The following VPS37A variants were observed in gnomAD, a reference collection of about 807,000 sequenced individuals.
VPS37A encodes the protein vacuolar protein sorting-associated protein 37A.
VPS37A carries 30 observed loss-of-function variants against 49.8 expected under a neutral mutation model. The ratio of observed to expected loss-of-function variants is 0.60; its 90% CI spans 0.45 to 0.82. The LOEUF is 0.82. Ranked by LOEUF, VPS37A falls within the 40% of genes least tolerant of loss-of-function variation. VPS37A has a pLI of 0.00. For missense variants in VPS37A, 593 were observed against 464.4 expected (o/e 1.28, Z -2.55); for synonymous variants, 195 against 160.6 (o/e 1.21, Z -1.62).
chr8:17,309,421 A>C, the VPS37A span: 1 of 836,162 alleles, frequency 1.2e-6, no homozygotes, highest in Non-Finnish European at 2.0e-6. Context: ...AGGCACTTGC[A>C]GAAGTCCCCA....
intron 1 of VPS37A, among the ~76,000 whole-genome samples, chr8:17,254,514 A>G (rs1180978599): frequency 6.6e-6 from 1 of 151,630 alleles, no homozygotes; most frequent in Non-Finnish European, 1.5e-5. Context: ...TTCCCCCCAA[A>G]CTCTTAGTTT....
chr8:17,249,311 G>A (rs1349569745), intron 1 of VPS37A, among the ~76,000 whole-genome samples: 1 of 152,110 alleles, frequency 6.6e-6, no homozygotes, highest in Non-Finnish European at 1.5e-5. Flanking sequence ...TGGCTTAAGA[G>A]GATCAGTAAA....
At chr8:17,300,939 A>G (rs113171490), downstream of VPS37A, among the ~76,000 whole-genome samples, 772 of 152,354 alleles carry the variant, frequency 5.1e-3, 8 homozygotes, top group African/African-American at 0.017. Context: ...ATGGTACAGC[A>G]TGTATCAAGT....
the VPS37A span, among the ~76,000 whole-genome samples, chr8:17,308,642 T>C: frequency 6.6e-6 from 1 of 151,716 alleles, no homozygotes; most frequent in East Asian, 1.9e-4. Context: ...ATTCAAAGAG[T>C]AGAGAACACC....
chr8:17,247,194 G>C lies in VPS37A; in HGVS notation c.-51G>C. On this transcript the variant is annotated 5_prime_UTR_variant, in exon 1 of 12. Transcript: ENST00000324849. The stretch of plus-strand genomic sequence containing the variant: ...GAGAACCGCCGGGCCGAGCCACTGG[G>C]AGAAGCAGGCCAGAGCCTTCCAGGG... 6.4e-7 allele frequency: 1 copy of C among 1,554,214 alleles called. No homozygotes were observed. Among genetic ancestry groups the C allele is most frequent in the South Asian group, 1.2e-5 (1 of 84,330 alleles).
intron 1 of VPS37A, among the ~76,000 whole-genome samples, chr8:17,261,443 T>C (rs1812953172): frequency 6.6e-6 from 1 of 152,232 alleles, no homozygotes; most frequent in Non-Finnish European, 1.5e-5. Flanking sequence ...AGAGCTTACA[T>C]ATTATTATCT....
intron 11 of VPS37A, among the ~76,000 whole-genome samples, chr8:17,287,246 A>T (rs1272012239): frequency 6.6e-6 from 1 of 152,210 alleles, no homozygotes; most frequent in Non-Finnish European, 1.5e-5. Context: ...GGGATTTATT[A>T]TAGAGTAAAA....
chr8:17,281,327 G>T (rs1815034743), intron 9 of VPS37A, among the ~76,000 whole-genome samples: 1 of 152,002 alleles, frequency 6.6e-6, no homozygotes, highest in Admixed American at 6.6e-5. Context: ...GGTCATACAA[G>T]TAGAAACATT....
At chr8:17,331,772 G>C in the VPS37A span, among the ~76,000 whole-genome samples, 1 of 152,162 alleles carries the variant, frequency 6.6e-6, no homozygotes, top group South Asian at 2.1e-4. Flanking sequence ...TTGCCCACAA[G>C]ATCCCTCAGA....
At chr8:17,267,031 A>G (rs751636585) in intron 2 of VPS37A, among the ~76,000 whole-genome samples, 3 of 152,142 alleles carry the variant, frequency 2.0e-5, no homozygotes, top group Admixed American at 6.6e-5. Context: ...TCGGCCTCCC[A>G]AAGTGCTGGA....
chr8:17,317,433 A>G, the VPS37A span, among the ~76,000 whole-genome samples: 83 of 152,256 alleles, frequency 5.5e-4, no homozygotes, highest in African/African-American at 1.9e-3. Context: ...GGCAGTAACC[A>G]TGGGTCTCAT....
At chr8:17,269,841 G>C (rs1043869383) in intron 4 of VPS37A, among the ~76,000 whole-genome samples, 33 of 152,146 alleles carry the variant, frequency 2.2e-4, no homozygotes, top group Admixed American at 1.7e-3. Flanking sequence ...TAAAGATACT[G>C]TTTTAGTCTT....
chr8:17,296,338 A>G lies in VPS37A; in HGVS notation c.*1352A>G, dbSNP rs1816631260. 1 of 152,226 alleles carries G rather than the reference A, an allele frequency of 6.6e-6. No individual in the cohort carries two copies. The highest frequency in any genetic ancestry group is 6.5e-5 in the Admixed American group (1 of 15,288). The allele number at this position is 152,226 out of a possible 1,614,324, so 9.4% of individuals were successfully genotyped here. ...GTCTTCCTGACACTGTGCTAAGGACATGCTGTTAAAGCTTCAAAGTGACCA... is the reference window on the plus strand; with the variant it reads ...GTCTTCCTGACACTGTGCTAAGGACGTGCTGTTAAAGCTTCAAAGTGACCA... On this transcript the variant is annotated 3_prime_UTR_variant, in exon 12 of 12. Coordinates refer to ENST00000324849, the MANE Select transcript of VPS37A (RefSeq NM_152415.3).
rs554461613 is a variant in VPS37A, at chr8:17,293,470, C to G, written c.*1-1517C>G. 1.5e-4 allele frequency among the ~76,000 whole-genome samples: 23 copies of G among 152,200 alleles called. 1 individual carries two copies. The South Asian group carries it at 4.1e-3, about 27-fold the overall frequency. On this transcript the variant is annotated intron_variant, in intron 11 of 11. Transcript: ENST00000324849. ...AGCCTACTTCTGTCAATTCATCAAA[C>G]TCATTCTCAGTCCAGTTTTGTTCCC...
the VPS37A span, among the ~76,000 whole-genome samples, chr8:17,329,006 T>C: frequency 1.3e-5 from 2 of 152,238 alleles, no homozygotes; most frequent in African/African-American, 4.8e-5. Context: ...CTTGCAGCTC[T>C]TGCTCACAGA....
downstream of VPS37A, chr8:17,304,374 CAT>C (rs1359697673): frequency 6.2e-7 from 1 of 1,609,760 alleles, no homozygotes; most frequent in South Asian, 1.1e-5. Flanking sequence ...CAAGGATTTA[CAT>C]ACTTGTACAT....
chr8:17,259,126 T>C (rs1248342173), intron 1 of VPS37A, among the ~76,000 whole-genome samples: 1 of 152,074 alleles, frequency 6.6e-6, no homozygotes, highest in Non-Finnish European at 1.5e-5. Context: ...TTTCTCCTTT[T>C]AGGTTTGGTT....
At chr8:17,320,772 A>G in the VPS37A span, among the ~76,000 whole-genome samples, 4 of 152,282 alleles carry the variant, frequency 2.6e-5, no homozygotes, top group African/African-American at 7.2e-5. Flanking sequence ...ACTTCTGCCT[A>G]TGCACGCGGC....
intron 9 of VPS37A, among the ~76,000 whole-genome samples, chr8:17,284,166 G>A (rs1008764622): frequency 3.9e-5 from 6 of 152,276 alleles, no homozygotes; most frequent in South Asian, 2.1e-4. Context: ...TTAGTGGAGC[G>A]TCTCCTTAGC....
Sources: allele counts gnomAD v4.1 joint callset (sites outside exome capture counted in the v4.1 genomes callset), GRCh38; gene constraint gnomAD v4.1.1; transcripts MANE v1.5; gene names NCBI Gene and HGNC (gene_info 2026-07-23, HGNC 2026-07-21).